NRAP: variants seen among roughly 807,000 people sequenced by gnomAD.
NRAP encodes nebulin-related-anchoring protein.
A neutral mutation model predicts 225.9 loss-of-function variants in NRAP; 189 were observed. That is an observed-to-expected ratio of 0.84 (90% CI 0.74 to 0.94). NRAP has a LOEUF of 0.94. Among genes scored for constraint, NRAP ranks in the 40% least tolerant of loss-of-function variants. The probability of loss-of-function intolerance (pLI) is 0.00; values close to 1 mark genes in which losing one functional copy is unlikely to be tolerated. For missense variants in NRAP, 2,176 were observed against 2,168.7 expected (o/e 1.00, Z -0.07); for synonymous variants, 769 against 790.7 (o/e 0.97, Z 0.46).
At chr10:113,621,561 T>G (rs1388164761) in intron 24 of NRAP, among the ~76,000 whole-genome samples, 2 of 152,190 alleles carry the variant, frequency 1.3e-5, no homozygotes, top group East Asian at 3.9e-4. Flanking sequence ...AGGCCACCAC[T>G]AGGAATGACA....
chr10:113,612,476 T>C (rs1306449889), intron 29 of NRAP, 45 bp from the exon 30 acceptor site: 3 of 1,535,142 alleles, frequency 2.0e-6, no homozygotes, highest in Non-Finnish European at 2.7e-6. Context: ...AAAGCCACTA[T>C]TTGCAACAGG....
chr10:113,662,733 G>A lies in NRAP; in HGVS notation c.201C>T (p.Val67=). The change falls in exon 3 of 42, where the codon GTC becomes GTT. Residue 67 remains valine, a synonymous_variant. Transcript: ENST00000359988. ...CATTTAGATTTAATGGAGTGTGATAGACACTGGTGAAAGTGTTGTTCTTAG... is the reference window on the plus strand; with the variant it reads ...CATTTAGATTTAATGGAGTGTGATAAACACTGGTGAAAGTGTTGTTCTTAG... The part of the protein sequence containing the change: ...HNPKNNTFTS[V]YHTPLNLNVR... 3 of 1,600,630 alleles carry A rather than the reference G, an allele frequency of 1.9e-6. No homozygotes were observed. The highest frequency in any genetic ancestry group is 2.6e-6 in the Non-Finnish European group (3 of 1,168,080).
rs886046746 is a variant in NRAP, at chr10:113,589,051, T to G, written c.5117A>C (p.Asp1706Ala). Residue 1706 changes from aspartate to alanine, a missense_variant, in exon 42 of 42, where the codon GAT becomes GCT. Asp to Ala is a moderately radical substitution (Grantham distance 126). Around this residue, in one of 3 missense-constraint regions of NRAP, gnomAD observed 445 missense variants for 426.1 expected, o/e 1.04. Transcript: ENST00000359988. ...TGGGTTCACCTCCCCACTCTGATGA[T>G]CTCCAGCCTCCACTGCTTCTGCCCC... ...YRGAEAVEAG[D>A]HQSGEVNPDA... 1 of 1,613,798 alleles carries G rather than the reference T, an allele frequency of 6.2e-7. No homozygotes were observed. Among genetic ancestry groups the G allele is most frequent in the Middle Eastern group, 1.7e-4 (1 of 6,056 alleles).
At chr10:113,626,406 G>A (rs1274996055) in intron 20 of NRAP, among the ~76,000 whole-genome samples, 1 of 152,160 alleles carries the variant, frequency 6.6e-6, no homozygotes, top group Non-Finnish European at 1.5e-5. Context: ...TGTGCCCTGG[G>A]GAGGTATACA....
chr10:113,623,739 T>C lies in NRAP; in HGVS notation c.2350-103A>G. 4.0e-6 allele frequency: 3 copies of C among 743,242 alleles called. No homozygotes were observed. The East Asian group carries it at 7.4e-5, about 18-fold the overall frequency. The allele number at this position is 743,242 out of a possible 1,614,324, so 46.0% of individuals were successfully genotyped here. A position where few individuals can be genotyped will look rare whatever the true frequency, so the allele number is the denominator to read the frequency against. ...AATGACGATTCTAGGAAAGCAATAC[T>C]GATTATTACGTCCTTCTCTGAGAGC... is the stretch of plus-strand genomic sequence containing the variant. On this transcript the variant is annotated intron_variant, in intron 22 of 41. Coordinates refer to ENST00000359988, the MANE Select transcript of NRAP (RefSeq NM_198060.4).
chr10:113,627,561 G>A (rs1200148208), intron 20 of NRAP, among the ~76,000 whole-genome samples: 1 of 152,196 alleles, frequency 6.6e-6, no homozygotes, highest in Non-Finnish European at 1.5e-5. Flanking sequence ...CAAGAAGCTA[G>A]ATAATGAAAG....
Position 113,652,923 on chromosome 10 carries a change from C to T in NRAP, c.570+12G>A, listed in dbSNP as rs1417959735. On this transcript the variant is annotated intron_variant, in intron 6 of 41. Coordinates refer to ENST00000359988, the MANE Select transcript of NRAP (RefSeq NM_198060.4). Reference sequence around the variant, plus strand: ...AGCATAATCAATGGTGAAAAAGCACCCAGGCACTCACTTGGCTGGCCAGCT... The same window carrying T: ...AGCATAATCAATGGTGAAAAAGCACTCAGGCACTCACTTGGCTGGCCAGCT... 5 of 1,589,722 alleles carry T rather than the reference C, an allele frequency of 3.1e-6. No homozygotes were observed. Among genetic ancestry groups the T allele is most frequent in the Non-Finnish European group, 4.3e-6 (5 of 1,160,620 alleles).
chr10:113,650,634 C>T (rs1849899067), intron 7 of NRAP, 89 bp from the exon 8 acceptor site: 5 of 864,846 alleles, frequency 5.8e-6, no homozygotes, highest in Non-Finnish European at 9.7e-6. Context: ...TGACATCCTG[C>T]CCATCTCCTG....
intron 25 of NRAP, among the ~76,000 whole-genome samples, chr10:113,620,201 G>A (rs1020408559): frequency 6.6e-6 from 1 of 152,248 alleles, no homozygotes; most frequent in Non-Finnish European, 1.5e-5. Flanking sequence ...TGGCCACCAC[G>A]TGAATATTCA....
rs770742167 is a variant in NRAP, at chr10:113,663,345, CACTT to C, written c.167+3_167+6del. On this transcript the variant is annotated splice_donor_5th_base_variant and intron_variant, in intron 2 of 41. Coordinates refer to ENST00000359988, the MANE Select transcript of NRAP (RefSeq NM_198060.4). ...AAGAGGTAGTGGTGGGGGCATCAAA[CACTT>C]ACGCGTGACAGTACGGCTTTTTCTG... is the stretch of plus-strand genomic sequence containing the variant. The C allele has an allele frequency of 1.9e-6, 3 of 1,570,512 alleles. No homozygotes were observed. The highest frequency in any genetic ancestry group is 2.6e-6 in the Non-Finnish European group (3 of 1,140,326).
At chr10:113,628,830 TAGAG>T in intron 20 of NRAP, 83 bp downstream of exon 20, 1 of 726,388 alleles carries the variant, frequency 1.4e-6, no homozygotes, top group South Asian at 1.8e-5. Context: ...AATCTGAGGA[TAGAG>T]AAAGGGAATT....
Position 113,590,719 on chromosome 10 carries a change from G to T in NRAP, c.4815C>A (p.Asp1605Glu), listed in dbSNP as rs757363959. Residue 1605 changes from aspartate (D) to glutamate (E), a missense_variant, in exon 40 of 42, where the codon GAC becomes GAA. Physicochemically the swap from Asp to Glu is conservative, Grantham distance 45. Transcript: ENST00000359988. ...TCTTGGCCTGAAGGAGGCCGGGCTG[G>T]TCTGTGCTGCTGTGAAACTGGGACC... is the stretch of plus-strand genomic sequence containing the variant. The part of the protein sequence containing the change: ...KSRSQFHSST[D>E]QPGLLQAKRS... The T allele has an allele frequency of 9.9e-6, 16 of 1,614,104 alleles. No homozygotes were observed. Among genetic ancestry groups the T allele is most frequent in the Middle Eastern group, 1.6e-4 (1 of 6,084 alleles).
At chr10:113,653,608 G>A (rs1308417628) in intron 5 of NRAP, among the ~76,000 whole-genome samples, 1 of 152,214 alleles carries the variant, frequency 6.6e-6, no homozygotes, top group Non-Finnish European at 1.5e-5. Flanking sequence ...TAGTTACCTA[G>A]AGCGTAACCT....
intron 6 of NRAP, 152 bp downstream of exon 6, chr10:113,652,783 G>A (rs1850058743): frequency 1.6e-6 from 1 of 622,722 alleles, no homozygotes; most frequent in Non-Finnish European, 2.8e-6. Context: ...TACTTGACGG[G>A]GAAAAGTAAG....
rs11196397 is a variant in NRAP at position 113,615,769 on chromosome 10, C to G, written c.3021G>C (p.Pro1007=). Residue 1007 remains proline, a synonymous_variant, in exon 27 of 42, where the codon CCG becomes CCC. Transcript: ENST00000359988. ...QGENIKHHYT[P]TADLPEVLLA... ...GCAGGACTTCAGGGAGGTCAGCAGT[C>G]GGTGTGTAATGATGCTTTATGTTTT... 3 of 1,610,398 alleles carry G rather than the reference C, an allele frequency of 1.9e-6. No individual in the cohort carries two copies. The highest frequency in any genetic ancestry group is 2.5e-6 in the Non-Finnish European group (3 of 1,176,838).
chr10:113,626,794 T>C (rs940293660), intron 20 of NRAP, among the ~76,000 whole-genome samples: 4 of 152,170 alleles, frequency 2.6e-5, no homozygotes, highest in Non-Finnish European at 5.9e-5. Flanking sequence ...AGTTTCTGAT[T>C]TTCCAGATCA....
intron 6 of NRAP, 109 bp downstream of exon 6, chr10:113,652,826 G>A: frequency 1.4e-6 from 1 of 724,904 alleles, no homozygotes; most frequent in Non-Finnish European, 2.4e-6. Flanking sequence ...GACACTAATG[G>A]TACCTACTTC....
intron 22 of NRAP, 84 bp from the exon 23 acceptor site, chr10:113,623,720 GAT>G: frequency 1.1e-6 from 1 of 873,958 alleles, no homozygotes; most frequent in Non-Finnish European, 1.9e-6. Context: ...TTCTAATGAC[GAT>G]TCTAGGAAAG....
At chr10:113,605,086 G>A (rs546510293) in intron 34 of NRAP, among the ~76,000 whole-genome samples, 166 bp from the exon 35 acceptor site, 16 of 152,220 alleles carry the variant, frequency 1.1e-4, no homozygotes, top group African/African-American at 2.9e-4. Flanking sequence ...TTAAAACATC[G>A]CTCCATTCTT....
Sources: gnomAD v4.1 joint callset for allele counts (sites outside exome capture counted in the v4.1 genomes callset) on GRCh38, gnomAD v4.1.1 for gene constraint, gnomAD v4.1.1 regional missense constraint, MANE v1.5 for transcripts, NCBI Gene and HGNC (gene_info 2026-07-23, HGNC 2026-07-21) for gene names.